The following SDK1 variants were observed in gnomAD, a reference collection of about 807,000 sequenced individuals.
SDK1 encodes the protein protein sidekick-1.
A neutral mutation model predicts 245.5 loss-of-function variants in SDK1; 157 were observed. The ratio of observed to expected loss-of-function variants is 0.64; its 90% confidence interval spans 0.56 to 0.73. SDK1 has a LOEUF of 0.73. Ranked by LOEUF, SDK1 falls within the 30% of genes least tolerant of loss-of-function variation. The probability of loss-of-function intolerance (pLI) is 0.00; values close to 1 mark genes in which losing one functional copy is unlikely to be tolerated. For missense variants in SDK1, 3,583 were observed against 3,002.3 expected, an observed-to-expected ratio of 1.19 and a Z score of -4.52; for synonymous variants, 1,647 against 1,278.5, an observed-to-expected ratio of 1.29 and a Z score of -6.15.
chr7:3,696,823 C>T (rs1041111605), intron 4 of SDK1, among the ~76,000 whole-genome samples: 2 of 151,536 alleles, frequency 1.3e-5, no homozygotes, highest in Admixed American at 1.3e-4. Context: ...CAAAGCAATT[C>T]ACTCTAAGAA....
At chr7:4,017,145 C>T (rs564833022) in intron 16 of SDK1, 26 bp from the exon 17 acceptor site, 32 of 1,582,094 alleles carry the variant, frequency 2.0e-5, no homozygotes, top group African/African-American at 2.7e-5. Flanking sequence ...ATTTCCTTAT[C>T]GTGATGGGCT....
At chr7:3,751,149 AG>A (rs1233224087) in intron 4 of SDK1, among the ~76,000 whole-genome samples, 2 of 152,216 alleles carry the variant, frequency 1.3e-5, no homozygotes, top group Non-Finnish European at 2.9e-5. Context: ...TACCAGCCTG[AG>A]GGCTCTTGCT....
At chr7:3,460,303 A>C (rs1023912091) in intron 1 of SDK1, among the ~76,000 whole-genome samples, 1 of 152,184 alleles carries the variant, frequency 6.6e-6, no homozygotes, top group Non-Finnish European at 1.5e-5. Context: ...GGATGCTCTG[A>C]GAAAGAAATG....
chr7:4,226,749 A>C (rs913176214), intron 40 of SDK1, among the ~76,000 whole-genome samples: 4 of 152,236 alleles, frequency 2.6e-5, no homozygotes, highest in African/African-American at 9.6e-5. Flanking sequence ...TGCACTGGAC[A>C]TATGCAGATG....
chr7:3,787,026 A>C (rs985178151), intron 4 of SDK1, among the ~76,000 whole-genome samples: 1 of 151,976 alleles, frequency 6.6e-6, no homozygotes, highest in Non-Finnish European at 1.5e-5. Flanking sequence ...TTCCCCATAC[A>C]CTTTAGTGGT....
chr7:3,851,208 A>G (rs1247979100), intron 5 of SDK1, among the ~76,000 whole-genome samples: 3 of 152,186 alleles, frequency 2.0e-5, no homozygotes, highest in African/African-American at 7.2e-5. Flanking sequence ...GCAGGCAGAG[A>G]TGCTATCTGC....
intron 1 of SDK1, among the ~76,000 whole-genome samples, chr7:3,468,716 C>T (rs373204183): frequency 6.6e-6 from 1 of 152,156 alleles, no homozygotes; most frequent in African/African-American, 2.4e-5. Context: ...AGCATTAGAT[C>T]GTACTGTCTC....
chr7:3,642,554 C>G (rs575887878), intron 4 of SDK1, among the ~76,000 whole-genome samples: 1 of 152,276 alleles, frequency 6.6e-6, no homozygotes, highest in South Asian at 2.1e-4. Flanking sequence ...GTAATTACTG[C>G]TTATTTCTCT....
intron 1 of SDK1, among the ~76,000 whole-genome samples, chr7:3,346,825 ATATTTTTTTTT>A (rs1780518044): frequency 7.2e-5 from 2 of 27,620 alleles, no homozygotes; most frequent in African/African-American, 3.3e-4. Flanking sequence ...ATATATATAT[ATATTTTTTTTT>A]TTTTTTTTTT....
At chr7:3,819,817 A>G (rs1031200064) in intron 4 of SDK1, among the ~76,000 whole-genome samples, 3 of 152,178 alleles carry the variant, frequency 2.0e-5, no homozygotes, top group Non-Finnish European at 4.4e-5. Flanking sequence ...TATAATGTGT[A>G]AAAATCAAGA....
At chr7:4,073,715 T>A (rs987878865) in intron 20 of SDK1, among the ~76,000 whole-genome samples, 4 of 152,092 alleles carry the variant, frequency 2.6e-5, no homozygotes, top group Non-Finnish European at 5.9e-5. Context: ...CTTGCACACA[T>A]CAGGAGGAGG....
chr7:3,470,239 A>G (rs747416671), intron 1 of SDK1, among the ~76,000 whole-genome samples: 9 of 152,090 alleles, frequency 5.9e-5, no homozygotes, highest in Non-Finnish European at 1.2e-4. Flanking sequence ...ACAAATATGC[A>G]CAGAATGCTT....
chr7:3,805,807 A>G (rs576107903), intron 4 of SDK1, among the ~76,000 whole-genome samples: 4 of 152,324 alleles, frequency 2.6e-5, no homozygotes, highest in East Asian at 3.9e-4. Context: ...TGTCAAGGCA[A>G]TTCAGATCAT....
At chr7:4,087,666 C>T (rs1781511769) in intron 22 of SDK1, among the ~76,000 whole-genome samples, 1 of 152,200 alleles carries the variant, frequency 6.6e-6, no homozygotes, top group Admixed American at 6.5e-5. Flanking sequence ...CCTTCACCTG[C>T]TCTCAAAAAG....
In SDK1 at chr7:4,110,703, A is replaced by T. The variant is rs369144668; in HGVS notation, c.3365A>T (p.Tyr1122Phe). The T allele has an allele frequency of 1.8e-5, 29 of 1,613,906 alleles. No individual in the cohort carries two copies. The African/African-American group carries it at 2.5e-4, about 14-fold the overall frequency. The change falls in exon 23 of 45, where the codon TAT becomes TTT. Residue 1122 changes from tyrosine (Y) to phenylalanine (F), a missense_variant. By Grantham distance (22) the Tyr-to-Phe change is conservative (BLOSUM62 3). Transcript: ENST00000404826. ...GACGAGGAGGAGTGGGTCACCCTCT[A>T]TGAAGAGGAGAATGAGCCTGATGCC... is the stretch of plus-strand genomic sequence containing the variant. Reference protein sequence around the residue: ...IGDEEEWVTLYEEENEPDAQM... With the variant: ...IGDEEEWVTLFEEENEPDAQM...
chr7:3,489,497 G>T (rs1428529625), intron 1 of SDK1, among the ~76,000 whole-genome samples: 1 of 152,102 alleles, frequency 6.6e-6, no homozygotes, highest in African/African-American at 2.4e-5. Context: ...TTAGGATTTT[G>T]AGCAGCCAGA....
At chr7:3,794,287 G>T (rs1476352773) in intron 4 of SDK1, among the ~76,000 whole-genome samples, 1 of 152,010 alleles carries the variant, frequency 6.6e-6, no homozygotes, top group Non-Finnish European at 1.5e-5. Context: ...ACACTGACCT[G>T]AACTTGCTAT....
chr7:4,207,840 A>G (rs1784311207), intron 36 of SDK1, among the ~76,000 whole-genome samples: 1 of 152,164 alleles, frequency 6.6e-6, no homozygotes, highest in African/African-American at 2.4e-5. Context: ...TAACGAGGCA[A>G]TGCTCATACT....
In SDK1 at chr7:4,116,447, A is replaced by G. The variant is rs559912908; in HGVS notation, c.3823+2173A>G. On this transcript the variant is annotated intron_variant, in intron 25 of 44. Transcript: ENST00000404826. ...ACGTGCCACCCGCTCTGTGTGCCACAGCGTGGAAGGGCCTGGGAAGCTCTG... is the reference window on the plus strand; with the variant it reads ...ACGTGCCACCCGCTCTGTGTGCCACGGCGTGGAAGGGCCTGGGAAGCTCTG... 5.3e-5 allele frequency among the ~76,000 whole-genome samples: 8 copies of G among 152,312 alleles called. No homozygotes were observed. The South Asian group carries it at 1.4e-3, about 28-fold the overall frequency.
Sources: gnomAD v4.1 joint callset for allele counts (sites outside exome capture counted in the v4.1 genomes callset) on GRCh38, gnomAD v4.1.1 for gene constraint, MANE v1.5 for transcripts, NCBI Gene and HGNC (gene_info 2026-07-23, HGNC 2026-07-21) for gene names.